PARD3B: variants seen among roughly 807,000 people sequenced by gnomAD.
PARD3B encodes the protein par-3 family cell polarity regulator beta.
In PARD3B, 103 loss-of-function variants were observed where a neutral mutation model predicts 130.2. The ratio of observed to expected loss-of-function variants is 0.79; its 90% CI spans 0.67 to 0.93. The LOEUF is 0.93. Ranked by LOEUF, PARD3B falls within the 40% of genes least tolerant of loss-of-function variation. The pLI is 0.00. For missense variants in PARD3B, 1,609 were observed against 1,499.2 expected (o/e 1.07, Z -1.21); for synonymous variants, 583 against 553.2 (o/e 1.05, Z -0.76).
intron 6 of PARD3B, 99 bp downstream of exon 6, chr2:205,113,676 C>G (rs1166331258): frequency 1.5e-5 from 13 of 858,778 alleles, no homozygotes; most frequent in South Asian, 1.2e-4. Flanking sequence ...AATGTGAATT[C>G]TATTATTCAA....
chr2:205,064,349 A>G (rs1308737302), intron 4 of PARD3B, among the ~76,000 whole-genome samples: 1 of 152,136 alleles, frequency 6.6e-6, no homozygotes, highest in Non-Finnish European at 1.5e-5. Context: ...CATAGATTTC[A>G]TCATGTTTAC....
At chr2:205,228,189 A>G (rs2038659849) in intron 15 of PARD3B, among the ~76,000 whole-genome samples, 1 of 152,212 alleles carries the variant, frequency 6.6e-6, no homozygotes, top group Non-Finnish European at 1.5e-5. Context: ...ACTTAACATT[A>G]CTAGTGAGTT....
chr2:205,412,653 C>G (rs2046640062), intron 19 of PARD3B, among the ~76,000 whole-genome samples: 1 of 152,166 alleles, frequency 6.6e-6, no homozygotes, highest in African/African-American at 2.4e-5. Context: ...CCACCCCTGA[C>G]CAATATGACC....
intron 18 of PARD3B, among the ~76,000 whole-genome samples, chr2:205,392,014 T>C (rs2045877438): frequency 6.6e-6 from 1 of 152,190 alleles, no homozygotes; most frequent in African/African-American, 2.4e-5. Context: ...TTTGTTTGTT[T>C]GGTTTAAAAA....
At chr2:204,716,768 G>T (rs941672647) in intron 2 of PARD3B, among the ~76,000 whole-genome samples, 1 of 151,618 alleles carries the variant, frequency 6.6e-6, no homozygotes, top group Non-Finnish European at 1.5e-5. Context: ...GACCACAGGC[G>T]CCCGCCACCA....
At chr2:204,811,819 CA>C (rs1052837362) in intron 2 of PARD3B, among the ~76,000 whole-genome samples, 12 of 151,668 alleles carry the variant, frequency 7.9e-5, no homozygotes, top group Non-Finnish European at 1.0e-4. Context: ...CATTAAAAAA[CA>C]AAAAACAAAA....
intron 21 of PARD3B, among the ~76,000 whole-genome samples, chr2:205,529,783 A>G (rs905840818): frequency 6.6e-6 from 1 of 152,158 alleles, no homozygotes; most frequent in Non-Finnish European, 1.5e-5. Context: ...AGAAAAGCTG[A>G]TCTACGAGGG....
intron 2 of PARD3B, among the ~76,000 whole-genome samples, chr2:204,911,881 T>A (rs76764034): frequency 0.053 from 8,120 of 152,300 alleles, 258 homozygotes; most frequent in Middle Eastern, 0.11. Flanking sequence ...AACTTTTGTT[T>A]GTCAAATATA....
At chr2:204,953,129 A>G (rs1689931953) in intron 2 of PARD3B, among the ~76,000 whole-genome samples, 1 of 151,186 alleles carries the variant, frequency 6.6e-6, no homozygotes, top group African/African-American at 2.4e-5. Flanking sequence ...TTTAAACAGC[A>G]TATAATTTTA....
intron 19 of PARD3B, among the ~76,000 whole-genome samples, chr2:205,429,321 A>G (rs1341977581): frequency 3.3e-5 from 5 of 152,242 alleles, no homozygotes; most frequent in African/African-American, 1.2e-4. Flanking sequence ...GAAATATTTA[A>G]GCATTTATTC....
intron 22 of PARD3B, among the ~76,000 whole-genome samples, chr2:205,595,374 G>A (rs995208215): frequency 9.9e-5 from 15 of 152,162 alleles, no homozygotes; most frequent in South Asian, 4.1e-4. Flanking sequence ...TGGGGCAAAC[G>A]GTAAATAACA....
intron 20 of PARD3B, among the ~76,000 whole-genome samples, chr2:205,441,103 T>C (rs895565891): frequency 2.0e-5 from 3 of 152,154 alleles, no homozygotes; most frequent in Admixed American, 2.0e-4. Flanking sequence ...TACAGAAAGC[T>C]GCAGAGGAGC....
intron 14 of PARD3B, among the ~76,000 whole-genome samples, chr2:205,188,497 C>A (rs1326100853): frequency 6.6e-6 from 1 of 152,178 alleles, no homozygotes; most frequent in Non-Finnish European, 1.5e-5. Flanking sequence ...GACAAGGAGG[C>A]TGCTCCGACT....
At chr2:205,335,950 C>A (rs62171501) in intron 18 of PARD3B, among the ~76,000 whole-genome samples, 1 of 152,072 alleles carries the variant, frequency 6.6e-6, no homozygotes, top group Admixed American at 6.6e-5. Flanking sequence ...AATCACCTCC[C>A]GCCAGTTCCT....
In PARD3B at chr2:205,183,327, C is replaced by A. The variant is rs190205104; in HGVS notation, c.1925-2437C>A. Among the ~76,000 whole-genome samples, 130 of 152,264 alleles carry A rather than the reference C, an allele frequency of 8.5e-4. No individual in the cohort carries two copies. The highest frequency in any genetic ancestry group is 3.5e-3 in the Admixed American group (53 of 15,306). On this transcript the variant is annotated intron_variant, in intron 13 of 22. Transcript: ENST00000406610. This position sits in a 1 kb window ranked among gnomAD's most constrained non-coding sequence, Gnocchi z 5.2. ...TTTTGAGCAACAAGTTACATGATCACAAATACGTTCACCATCACTGTGGAA... is the reference window on the plus strand; with the variant it reads ...TTTTGAGCAACAAGTTACATGATCAAAAATACGTTCACCATCACTGTGGAA...
chr2:205,601,131 C>T (rs928925730), intron 22 of PARD3B, among the ~76,000 whole-genome samples: 9 of 152,176 alleles, frequency 5.9e-5, no homozygotes, highest in Non-Finnish European at 1.2e-4. Context: ...AGTGTGAAAA[C>T]GTTGCTTTTT....
chr2:204,596,683 C>T (rs1288699226), intron 1 of PARD3B, among the ~76,000 whole-genome samples: 1 of 152,186 alleles, frequency 6.6e-6, no homozygotes, highest in Admixed American at 6.5e-5. Context: ...AATCCCAGCA[C>T]TTTGGGAGGC....
intron 1 of PARD3B, among the ~76,000 whole-genome samples, chr2:204,600,153 C>T (rs1157140383): frequency 1.3e-5 from 2 of 151,694 alleles, no homozygotes; most frequent in African/African-American, 4.8e-5. Context: ...GTTTCCTTTG[C>T]TGTGCAGAAT....
chr2:205,435,197 T>G (rs997958449), intron 19 of PARD3B, among the ~76,000 whole-genome samples: 2 of 152,150 alleles, frequency 1.3e-5, no homozygotes, highest in African/African-American at 2.4e-5. Flanking sequence ...TCCAGACATT[T>G]TCTATGTATA....
Sources: allele counts gnomAD v4.1 joint callset (sites outside exome capture counted in the v4.1 genomes callset), GRCh38; gene constraint gnomAD v4.1.1; non-coding constraint Gnocchi (gnomAD v3.1); transcripts MANE v1.5; gene names NCBI Gene and HGNC (gene_info 2026-07-23, HGNC 2026-07-21).